The following ST6GALNAC3 variants were observed in gnomAD, a reference collection of about 807,000 sequenced individuals.
The protein encoded by ST6GALNAC3 is ST6 N-acetylgalactosaminide alpha-2,6-sialyltransferase 3.
A neutral mutation model predicts 32.7 loss-of-function variants in ST6GALNAC3; 25 were observed. The observed-to-expected ratio is 0.76, with a 90% CI of 0.56 to 1.07. ST6GALNAC3 has a LOEUF of 1.07. ST6GALNAC3 is among the 50% of genes least tolerant of loss of function. The pLI, the probability that ST6GALNAC3 is intolerant of heterozygous loss-of-function variation, is 0.00. For synonymous variants in ST6GALNAC3, 129 were observed against 133.1 expected (o/e 0.97, Z 0.21); for missense variants, 355 against 382.4 (o/e 0.93, Z 0.60).
chr1:76,532,870 CT>C (rs35258685), intron 3 of ST6GALNAC3, among the ~76,000 whole-genome samples: 124,050 of 151,938 alleles, frequency 0.82, 51,512 homozygotes, highest in East Asian at 0.99. Flanking sequence ...ATGAATAATG[CT>C]TTTTTTAAAA....
At chr1:76,307,768 T>A in intron 1 of ST6GALNAC3, 2 of 217,764 alleles carry the variant, frequency 9.2e-6, no homozygotes, top group South Asian at 1.1e-4. Context: ...AGACTACTTC[T>A]ACAGTAGAAA....
chr1:76,587,702 A>G (rs909942249), intron 3 of ST6GALNAC3, among the ~76,000 whole-genome samples: 5 of 152,186 alleles, frequency 3.3e-5, no homozygotes, highest in African/African-American at 1.2e-4. Flanking sequence ...TGGGCACGTA[A>G]TGGCTCTTGA....
intron 3 of ST6GALNAC3, among the ~76,000 whole-genome samples, chr1:76,452,184 T>C (rs1439285072): frequency 6.6e-6 from 1 of 152,130 alleles, no homozygotes; most frequent in Non-Finnish European, 1.5e-5. Flanking sequence ...GCTGGTCTCA[T>C]GATAGTGAAT....
chr1:76,314,695 T>G (rs1259020002), intron 2 of ST6GALNAC3, among the ~76,000 whole-genome samples: 1 of 152,136 alleles, frequency 6.6e-6, no homozygotes, highest in Non-Finnish European at 1.5e-5. Flanking sequence ...GTGATGTATA[T>G]AGAAGTGCTT....
chr1:76,368,172 T>C, intron 2 of ST6GALNAC3, among the ~76,000 whole-genome samples: 1 of 152,146 alleles, frequency 6.6e-6, no homozygotes, highest in Non-Finnish European at 1.5e-5. Flanking sequence ...CTGTGACAGC[T>C]AATCAACTCT....
chr1:76,610,946 G>T (rs1198213454), intron 3 of ST6GALNAC3, among the ~76,000 whole-genome samples: 1 of 152,070 alleles, frequency 6.6e-6, no homozygotes, highest in African/African-American at 2.4e-5. Flanking sequence ...TTGTGACTAA[G>T]TACCTGGTGT....
At chr1:76,211,841 T>C (rs12755198) in intron 1 of ST6GALNAC3, among the ~76,000 whole-genome samples, 3 of 152,046 alleles carry the variant, frequency 2.0e-5, no homozygotes, top group Non-Finnish European at 4.4e-5. Flanking sequence ...TGTTAAATGA[T>C]GAGTTAATGG....
intron 1 of ST6GALNAC3, among the ~76,000 whole-genome samples, chr1:76,308,771 G>T (rs544342326): frequency 5.3e-5 from 8 of 152,260 alleles, no homozygotes; most frequent in African/African-American, 1.9e-4. Context: ...GGAAAGTGGA[G>T]AATATTTTAG....
In ST6GALNAC3 at chr1:76,630,257, G is replaced by A. The variant is rs1649222858; in HGVS notation, c.*1451G>A. 1 of 985,024 alleles carries A rather than the reference G, an allele frequency of 1.0e-6. No homozygotes were observed. The highest frequency in any genetic ancestry group is 1.7e-5 in the African/African-American group (1 of 57,160). 61.0% of individuals were successfully genotyped at this position (985,024 alleles called of 1,614,324 possible). A position where few individuals can be genotyped will look rare whatever the true frequency, so the allele number is the denominator to read the frequency against. ...AGGATTACACAAAAAGTATCACAAA[G>A]GATGGTCTTGGCCATATGCTAGGGC... On this transcript the variant is annotated 3_prime_UTR_variant, in exon 5 of 5. Coordinates refer to ENST00000328299, the MANE Select transcript of ST6GALNAC3 (RefSeq NM_152996.4).
intron 1 of ST6GALNAC3, among the ~76,000 whole-genome samples, chr1:76,301,258 G>A (rs760968736): frequency 6.6e-6 from 1 of 151,978 alleles, no homozygotes; most frequent in Non-Finnish European, 1.5e-5. Context: ...GATCAGAGAG[G>A]CAGAGATCAT....
intron 3 of ST6GALNAC3, among the ~76,000 whole-genome samples, chr1:76,449,733 A>T (rs1048821486): frequency 6.6e-6 from 1 of 152,166 alleles, no homozygotes; most frequent in Non-Finnish European, 1.5e-5. Flanking sequence ...ACTTTTTATC[A>T]TTGAGTTTTA....
chr1:76,251,161 C>A (rs567578984), intron 1 of ST6GALNAC3, among the ~76,000 whole-genome samples: 1 of 152,102 alleles, frequency 6.6e-6, no homozygotes, highest in Admixed American at 6.6e-5. Context: ...TAAACAACTA[C>A]TTTAATTAGC....
chr1:76,418,821 C>T (rs974100220), intron 3 of ST6GALNAC3, among the ~76,000 whole-genome samples: 12 of 151,800 alleles, frequency 7.9e-5, no homozygotes, highest in African/African-American at 2.4e-4. Context: ...TGTGTTTTCA[C>T]GCTAACAAGC....
intron 2 of ST6GALNAC3, among the ~76,000 whole-genome samples, chr1:76,399,232 TTTTG>T (rs1653221694): frequency 1.3e-5 from 2 of 152,270 alleles, no homozygotes. Flanking sequence ...TGCTTTTCTA[TTTTG>T]TTTAATAAAA....
rs564150063 is a variant in ST6GALNAC3, at chr1:76,569,997, T to A, written c.624-57455T>A. ...CTCATCCATGTCAAGGCAGTCTAAA[T>A]CACTGATCATTTTCCATCTGAGGCT... On this transcript the variant is annotated intron_variant, in intron 3 of 4. Transcript: ENST00000328299. Among the ~76,000 whole-genome samples, 142 of 152,272 alleles carry A rather than the reference T, an allele frequency of 9.3e-4. 1 individual carries two copies. The South Asian group carries it at 0.013, about 14-fold the overall frequency.
intron 1 of ST6GALNAC3, among the ~76,000 whole-genome samples, chr1:76,159,794 C>T (rs562713913): frequency 6.6e-6 from 1 of 152,332 alleles, no homozygotes; most frequent in Non-Finnish European, 1.5e-5. Context: ...AATACCTACA[C>T]ATGCCATAAA....
Position 76,566,436 on chromosome 1 carries a change from C to G in ST6GALNAC3, c.624-61016C>G, listed in dbSNP as rs149357667. ...ATGGGACTCGGAATAAAAGCTCACA[C>G]TCTTTACAATGGCCCTGCAGGTTCC... On this transcript the variant is annotated intron_variant, in intron 3 of 4. Coordinates refer to ENST00000328299, the MANE Select transcript of ST6GALNAC3 (RefSeq NM_152996.4). 7.2e-5 allele frequency among the ~76,000 whole-genome samples: 11 copies of G among 152,250 alleles called. No individual in the cohort carries two copies. In the East Asian group the frequency reaches 1.2e-3, roughly 16 times the overall value.
chr1:76,346,610 A>G (rs571710677), intron 2 of ST6GALNAC3, among the ~76,000 whole-genome samples: 79 of 152,352 alleles, frequency 5.2e-4, no homozygotes, highest in Non-Finnish European at 1.1e-3. Flanking sequence ...GCACAGCTAC[A>G]GAGGCAGTGG....
intron 2 of ST6GALNAC3, among the ~76,000 whole-genome samples, chr1:76,333,877 A>G (rs1647271023): frequency 6.6e-6 from 1 of 152,176 alleles, no homozygotes; most frequent in Non-Finnish European, 1.5e-5. Flanking sequence ...CAATAATGCT[A>G]TATGGTAGGT....
Sources: allele counts gnomAD v4.1 joint callset (sites outside exome capture counted in the v4.1 genomes callset), GRCh38; gene constraint gnomAD v4.1.1; transcripts MANE v1.5; gene names NCBI Gene and HGNC (gene_info 2026-07-23, HGNC 2026-07-21).